ZEB1: variants seen among roughly 807,000 people sequenced by gnomAD.
The protein encoded by ZEB1 is zinc finger E-box binding homeobox 1.
In ZEB1, 21 loss-of-function variants were observed where a neutral mutation model predicts 84.9. The observed-to-expected ratio is 0.25, with a 90% confidence interval of 0.18 to 0.36. The LOEUF (loss-of-function observed/expected upper bound fraction) is 0.36, where lower values mean the gene tolerates loss of function less well. ZEB1 is among the 10% of genes least tolerant of loss of function. The pLI is 1.00. For missense variants in ZEB1, 1,104 were observed against 1,330.2 expected (o/e 0.83, Z 2.65); for synonymous variants, 420 against 471.1 (o/e 0.89, Z 1.41).
intron 1 of ZEB1, among the ~76,000 whole-genome samples, chr10:31,436,495 C>T (rs910523437): frequency 2.6e-5 from 4 of 152,070 alleles, no homozygotes; most frequent in African/African-American, 9.7e-5. Context: ...TGTCCGGAGC[C>T]ACATGGCCTA....
intron 1 of ZEB1, among the ~76,000 whole-genome samples, chr10:31,335,393 T>C (rs543726670): frequency 6.6e-6 from 1 of 152,246 alleles, no homozygotes; most frequent in African/African-American, 2.4e-5. Flanking sequence ...GCCCTGTTGA[T>C]AAAGGGGAAT....
rs546997740 is a variant in ZEB1, at chr10:31,503,643, C to T, written c.484+1134C>T. Among the ~76,000 whole-genome samples, 114 of 151,642 alleles carry T rather than the reference C, an allele frequency of 7.5e-4. 4 individuals are homozygous for T. In the South Asian group the frequency reaches 0.017, roughly 23 times the overall value. Reference sequence around the variant, plus strand: ...TTTTTAGTTTTTTTTGAGAAATCTCCGTAGTATTTTCACAGTGGCTGTCCT... The same window carrying T: ...TTTTTAGTTTTTTTTGAGAAATCTCTGTAGTATTTTCACAGTGGCTGTCCT... On this transcript the variant is annotated intron_variant, in intron 4 of 8. Coordinates refer to ENST00000424869, the MANE Select transcript of ZEB1 (RefSeq NM_001174096.2).
At chr10:31,431,252 C>A (rs1178787316) in intron 1 of ZEB1, among the ~76,000 whole-genome samples, 1 of 152,200 alleles carries the variant, frequency 6.6e-6, no homozygotes, top group South Asian at 2.1e-4. Context: ...CCACATACCT[C>A]TCCTGTTATT....
chr10:31,417,366 C>G (rs1469289396), intron 1 of ZEB1, among the ~76,000 whole-genome samples: 2 of 152,006 alleles, frequency 1.3e-5, no homozygotes, highest in Non-Finnish European at 2.9e-5. Context: ...CTAAAACTAC[C>G]CTGTGAGGTG....
intron 6 of ZEB1, among the ~76,000 whole-genome samples, chr10:31,519,075 A>G (rs1347811001): frequency 1.3e-5 from 2 of 152,168 alleles, no homozygotes; most frequent in Non-Finnish European, 2.9e-5. Flanking sequence ...TCATCATTCA[A>G]CAATTAGCCA....
At chr10:31,437,014 G>A (rs2058370903) in intron 1 of ZEB1, among the ~76,000 whole-genome samples, 1 of 151,998 alleles carries the variant, frequency 6.6e-6, no homozygotes, top group South Asian at 2.1e-4. Context: ...TGCTACTCAG[G>A]TAACTTAGGT....
At chr10:31,491,948 T>C (rs1197380298) in intron 2 of ZEB1, among the ~76,000 whole-genome samples, 1 of 151,960 alleles carries the variant, frequency 6.6e-6, no homozygotes, top group Non-Finnish European at 1.5e-5. Flanking sequence ...ACATTTCATC[T>C]CTAAAGTTTG....
chr10:31,336,872 A>G (rs2038196640), intron 1 of ZEB1, among the ~76,000 whole-genome samples: 1 of 152,212 alleles, frequency 6.6e-6, no homozygotes, highest in African/African-American at 2.4e-5. Context: ...TAGGCGTTGC[A>G]GATGCTAATG....
chr10:31,332,954 A>G (rs1400040267), intron 1 of ZEB1, among the ~76,000 whole-genome samples: 7 of 152,156 alleles, frequency 4.6e-5, no homozygotes, highest in Non-Finnish European at 8.8e-5. Flanking sequence ...TACCTTGTTT[A>G]CATGCTTAAC....
chr10:31,410,036 C>T (rs1473309357), intron 1 of ZEB1, among the ~76,000 whole-genome samples: 2 of 152,168 alleles, frequency 1.3e-5, no homozygotes, highest in Non-Finnish European at 2.9e-5. Context: ...GCCAGACTTC[C>T]AATACTATGT....
chr10:31,457,785 A>G (rs2061409172), intron 1 of ZEB1, among the ~76,000 whole-genome samples: 2 of 152,098 alleles, frequency 1.3e-5, no homozygotes, highest in Admixed American at 6.6e-5. Flanking sequence ...AATATGAACC[A>G]TGCAAGCAAG....
intron 1 of ZEB1, among the ~76,000 whole-genome samples, chr10:31,411,612 C>T (rs2135793225): frequency 7.6e-6 from 1 of 130,764 alleles, no homozygotes; most frequent in East Asian, 2.5e-4. Context: ...GCAGTCCGGC[C>T]TGGGCGACAG....
chr10:31,447,808 G>T (rs888778222), intron 1 of ZEB1, among the ~76,000 whole-genome samples: 1 of 152,186 alleles, frequency 6.6e-6, no homozygotes, highest in Non-Finnish European at 1.5e-5. Flanking sequence ...GCTTCCCTTT[G>T]AGGGTAACCC....
chr10:31,474,300 C>A (rs1274790154), intron 2 of ZEB1, among the ~76,000 whole-genome samples: 1 of 151,546 alleles, frequency 6.6e-6, no homozygotes, highest in Non-Finnish European at 1.5e-5. Flanking sequence ...AAAATTTTTG[C>A]AACCTACTCA....
upstream of ZEB1, chr10:31,318,432 G>C (rs3737180): frequency 0.25 from 38,364 of 152,404 alleles, 10,735 homozygotes; most frequent in African/African-American, 0.7. Context: ...GCTCTACTAA[G>C]GAGGCTGCTG....
intron 1 of ZEB1, among the ~76,000 whole-genome samples, chr10:31,383,749 A>C (rs2048116475): frequency 6.6e-6 from 1 of 152,146 alleles, no homozygotes; most frequent in Admixed American, 6.6e-5. Flanking sequence ...GCCTTTTCGA[A>C]CAATGAAGCT....
At chr10:31,488,816 G>T (rs2066098544) in intron 2 of ZEB1, among the ~76,000 whole-genome samples, 1 of 150,828 alleles carries the variant, frequency 6.6e-6, no homozygotes, top group East Asian at 1.9e-4. Context: ...TTGACATCTG[G>T]TCATTATGAT....
In ZEB1 at chr10:31,501,744, A is replaced by C. The variant is rs948298413; in HGVS notation, c.323-604A>C. ...TACATATGATAAAGTTTAATTTATA[A>C]ATTTTATACAGAGTTGCAACAAGAA... On this transcript the variant is annotated intron_variant, in intron 3 of 8. Transcript: ENST00000424869. Among the ~76,000 whole-genome samples the C allele has an allele frequency of 2.0e-5, 3 of 152,144 alleles. No individual in the cohort carries two copies. In the South Asian group the frequency reaches 6.2e-4, roughly 32 times the overall value.
chr10:31,440,151 C>A (rs2136477561), intron 1 of ZEB1, among the ~76,000 whole-genome samples: 1 of 152,152 alleles, frequency 6.6e-6, no homozygotes, highest in East Asian at 1.9e-4. Flanking sequence ...AAAGAGGAGT[C>A]AAAACTATCA....
Sources: gnomAD v4.1 joint callset for allele counts (sites outside exome capture counted in the v4.1 genomes callset) on GRCh38, gnomAD v4.1.1 for gene constraint, MANE v1.5 for transcripts, NCBI Gene and HGNC (gene_info 2026-07-23, HGNC 2026-07-21) for gene names.